The following MYBPC1 variants were observed in gnomAD, a reference collection of about 807,000 sequenced individuals.
MYBPC1 encodes myosin-binding protein C, slow-type.
In MYBPC1, 52 loss-of-function variants were observed where a neutral mutation model predicts 147.1. The ratio of observed to expected loss-of-function variants is 0.35; its 90% CI spans 0.28 to 0.45. The LOEUF is 0.45. Among genes scored for constraint, MYBPC1 ranks in the 20% least tolerant of loss-of-function variants. The pLI is 1.00. For missense variants in MYBPC1, 1,228 were observed against 1,440.3 expected (o/e 0.85, Z 2.39); for synonymous variants, 477 against 475.9 (o/e 1.00, Z -0.03).
In MYBPC1 at chr12:101,666,886, CACAT is replaced by C. The variant is rs557062516; in HGVS notation, c.2357-838_2357-835del. Reference sequence around the variant, plus strand: ...ATGACCAAGCATGAAGAATACTCATCACATACATACACACACACACACACACACA... The same window carrying C: ...ATGACCAAGCATGAAGAATACTCATCACATACACACACACACACACACACA... On this transcript the variant is annotated intron_variant, in intron 22 of 31. Transcript: ENST00000361466. The C allele has an allele frequency of 4.0e-4, 200 of 503,714 alleles. 29 individuals carry two copies. The highest frequency in any genetic ancestry group is 2.3e-3 in the African/African-American group (96 of 40,868). The allele number at this position is 503,714 out of a possible 1,614,324, so 31.2% of individuals were successfully genotyped here.
At chr12:101,651,564 T>C (rs1310593709) in intron 16 of MYBPC1, among the ~76,000 whole-genome samples, 171 bp downstream of exon 16, 1 of 152,238 alleles carries the variant, frequency 6.6e-6, no homozygotes. Flanking sequence ...TTGTATAGCA[T>C]GTCCTACTCA....
At chr12:101,668,603 G>A (rs1897939571) in intron 23 of MYBPC1, among the ~76,000 whole-genome samples, 1 of 152,038 alleles carries the variant, frequency 6.6e-6, no homozygotes, top group Admixed American at 6.5e-5. Flanking sequence ...TGGGATTATA[G>A]ACATGCACCA....
At chr12:101,664,427 A>C (rs1252316254) in intron 22 of MYBPC1, 1 of 152,200 alleles carries the variant, frequency 6.6e-6, no homozygotes, top group Non-Finnish European at 1.5e-5. Flanking sequence ...TTCCACAAAC[A>C]GTGGCCCAAG....
At chr12:101,615,679 C>A (rs76895027) in intron 2 of MYBPC1, among the ~76,000 whole-genome samples, 4 of 117,852 alleles carry the variant, frequency 3.4e-5, no homozygotes, top group East Asian at 3.6e-4. Context: ...CCCCGCCCCC[C>A]CACACCAAGC....
rs1290248612 is a variant in MYBPC1, at chr12:101,675,403, C to T, written c.2921C>T (p.Thr974Ile). The change falls in exon 26 of 32, where the codon ACC (threonine) becomes ATC (isoleucine). Residue 974 changes from threonine to isoleucine, a missense_variant. Thr to Ile is a moderately conservative substitution (Grantham distance 89). This residue lies in a region of MYBPC1 where 1,077 missense variants were observed against 1,314.2 expected (regional missense o/e 0.82). Coordinates refer to ENST00000361466, the MANE Select transcript of MYBPC1 (RefSeq NM_002465.4). The stretch of plus-strand genomic sequence containing the variant: ...GGAAATGCTGCTATCACAGGCTATA[C>T]CATTCAGAAGGCTGACAAGAAGAGC... ...DDGNAAITGYTIQKADKKSME... is the reference protein window; with the variant it reads ...DDGNAAITGYIIQKADKKSME... 13 of 1,614,136 alleles carry T rather than the reference C, an allele frequency of 8.1e-6. No homozygotes were observed. Among genetic ancestry groups the T allele is most frequent in the South Asian group, 1.1e-5 (1 of 91,084 alleles).
the MYBPC1 span, among the ~76,000 whole-genome samples, chr12:101,692,873 A>G: frequency 6.6e-6 from 1 of 152,188 alleles, no homozygotes; most frequent in Non-Finnish European, 1.5e-5. Context: ...AAAATTCAGC[A>G]AAGAAGCACA....
chr12:101,673,406 T>C (rs1899140425), intron 24 of MYBPC1, 21 bp from the exon 25 acceptor site: 1 of 1,609,310 alleles, frequency 6.2e-7, no homozygotes, highest in Non-Finnish European at 8.5e-7. Context: ...CCCTCTCTAC[T>C]TTTGCTGTCT....
rs1369542943 is a variant in MYBPC1, at chr12:101,626,922, T to C, written c.142+12T>C. On this transcript the variant is annotated intron_variant, in intron 4 of 31. Transcript: ENST00000361466. ...CGCCTTGCCTCCAGGTTGGGATAAT[T>C]TCTACCCTTTTCCCTGCTTTTAAAT... is the stretch of plus-strand genomic sequence containing the variant. The C allele has an allele frequency of 2.5e-6, 4 of 1,601,738 alleles. No homozygotes were observed. The Admixed American group carries it at 6.7e-5, about 27-fold the overall frequency.
intron 1 of MYBPC1, among the ~76,000 whole-genome samples, chr12:101,612,154 C>T (rs544059845): frequency 6.6e-6 from 1 of 151,936 alleles, no homozygotes; most frequent in South Asian, 2.1e-4. Flanking sequence ...ATAAAGATTG[C>T]CAAATGATAG....
At chr12:101,642,865 C>T (rs904089562) in intron 11 of MYBPC1, among the ~76,000 whole-genome samples, 14 of 152,324 alleles carry the variant, frequency 9.2e-5, no homozygotes, top group African/African-American at 3.1e-4. Context: ...CACATCCCCA[C>T]TCACTGTCAA....
chr12:101,686,313 G>A (rs576888122), downstream of MYBPC1, among the ~76,000 whole-genome samples: 1 of 152,204 alleles, frequency 6.6e-6, no homozygotes, highest in Non-Finnish European at 1.5e-5. Context: ...AAGGCTGGGA[G>A]CCAGCATGCC....
rs1372678048 is a variant in MYBPC1 at position 101,637,038 on chromosome 12, C to T, written c.665+310C>T. ...GACAAATACCTAGAAACCTCTAAGACTGCACATATGATTTGGTAGAAGTCT... is the reference window on the plus strand; with the variant it reads ...GACAAATACCTAGAAACCTCTAAGATTGCACATATGATTTGGTAGAAGTCT... On this transcript the variant is annotated intron_variant, in intron 10 of 31. Transcript: ENST00000361466. 1.0e-5 allele frequency: 4 copies of T among 383,392 alleles called. No individual in the cohort carries two copies. In the East Asian group the frequency reaches 1.7e-4, roughly 16 times the overall value. 23.7% of individuals were successfully genotyped at this position (383,392 alleles called of 1,614,324 possible).
chr12:101,603,428 A>C (rs904639615), intron 1 of MYBPC1, among the ~76,000 whole-genome samples: 8 of 151,934 alleles, frequency 5.3e-5, no homozygotes, highest in Admixed American at 5.2e-4. Flanking sequence ...CGCTTTCCTG[A>C]GATGACCACA....
At chr12:101,652,843 C>T (rs1425590864) in intron 17 of MYBPC1, 59 bp downstream of exon 17, 1 of 1,401,716 alleles carries the variant, frequency 7.1e-7, no homozygotes, top group Non-Finnish European at 1.0e-6. Context: ...CTTTTGCTTA[C>T]CATGGAATTA....
chr12:101,609,669 G>A (rs2135725642), intron 1 of MYBPC1, among the ~76,000 whole-genome samples: 1 of 152,304 alleles, frequency 6.6e-6, no homozygotes, highest in Admixed American at 6.5e-5. Flanking sequence ...AGAAGTTCTA[G>A]AGGATTTCTG....
chr12:101,632,140 T>A lies in MYBPC1; in HGVS notation c.556+2T>A, dbSNP rs112489285. 1 of 1,586,482 alleles carries A rather than the reference T, an allele frequency of 6.3e-7. No homozygotes were observed. The highest frequency in any genetic ancestry group is 8.7e-7 in the Non-Finnish European group (1 of 1,154,716). Reference sequence around the variant, plus strand: ...GTTCATTTGATCTTGAAGTGCACGGTAAGAGAGCCTTCTTGCCTAGATAAA... The same window carrying A: ...GTTCATTTGATCTTGAAGTGCACGGAAAGAGAGCCTTCTTGCCTAGATAAA... On this transcript the variant is annotated splice_donor_variant, in intron 8 of 31. Transcript: ENST00000361466. LOFTEE classifies it high-confidence loss of function.
chr12:101,671,422 A>G (rs1386332781), intron 24 of MYBPC1, among the ~76,000 whole-genome samples: 12 of 152,092 alleles, frequency 7.9e-5, no homozygotes, highest in Admixed American at 4.6e-4. Flanking sequence ...ACCAAACTAA[A>G]GGGATGGCCA....
rs766254058 is a variant in MYBPC1 at position 101,670,304 on chromosome 12, A to G, written c.2525-17A>G. 7.5e-6 allele frequency: 12 copies of G among 1,608,186 alleles called. No individual in the cohort carries two copies. Among genetic ancestry groups the G allele is most frequent in the African/African-American group, 1.3e-5 (1 of 74,760 alleles). On this transcript the variant is annotated splice_polypyrimidine_tract_variant and intron_variant, in intron 23 of 31. Coordinates refer to ENST00000361466, the MANE Select transcript of MYBPC1 (RefSeq NM_002465.4). Reference sequence around the variant, plus strand: ...ACCAGACTGATTGCAAAATTGTGCTATTTTACCCTCTCTCAGAACCTCCAA... The same window carrying G: ...ACCAGACTGATTGCAAAATTGTGCTGTTTTACCCTCTCTCAGAACCTCCAA...
chr12:101,682,215 A>T (rs1284110651), intron 29 of MYBPC1, among the ~76,000 whole-genome samples: 1 of 152,160 alleles, frequency 6.6e-6, no homozygotes, highest in East Asian at 1.9e-4. Flanking sequence ...TAAAAAAAAA[A>T]GTACCACTTA....
Sources: gnomAD v4.1 joint callset for allele counts (sites outside exome capture counted in the v4.1 genomes callset) on GRCh38, gnomAD v4.1.1 for gene constraint, gnomAD v4.1.1 regional missense constraint, MANE v1.5 for transcripts, NCBI Gene and HGNC (gene_info 2026-07-23, HGNC 2026-07-21) for gene names.